PRAMEF20: variants seen among roughly 807,000 people sequenced by gnomAD.
The protein encoded by PRAMEF20 is PRAME family member 20/21.
PRAMEF20 carries 27 observed loss-of-function variants against 32.4 expected under a neutral mutation model. The observed-to-expected ratio is 0.83, with a 90% CI of 0.61 to 1.15. PRAMEF20 has a LOEUF of 1.15. PRAMEF20 is among the 50% of genes most tolerant of loss of function. The pLI is 0.00. For missense variants in PRAMEF20, 604 were observed against 584.5 expected, an observed-to-expected ratio of 1.03 and a Z score of -0.34; for synonymous variants, 256 against 235.4, an observed-to-expected ratio of 1.09 and a Z score of -0.80.
chr1:13,417,932 G>GTGTGTC, intron 1 of PRAMEF20, among the ~76,000 whole-genome samples, 190 bp from the exon 3 acceptor site: 1 of 149,096 alleles, frequency 6.7e-6, no homozygotes, highest in Non-Finnish European at 1.5e-5. Flanking sequence ...GTGTGTGTGT[G>GTGTGTC]TGTGTGTGTG....
At chr1:13,420,003 T>C (rs1278957416) in intron 2 of PRAMEF20, among the ~76,000 whole-genome samples, 4 of 152,134 alleles carry the variant, frequency 2.6e-5, no homozygotes, top group Non-Finnish European at 4.4e-5. Context: ...GATACAGGCG[T>C]GTCAGGGACG....
At chr1:13,412,505 C>A (rs1405729572), upstream of PRAMEF20, among the ~76,000 whole-genome samples, 1 of 152,106 alleles carries the variant, frequency 6.6e-6, no homozygotes, top group Non-Finnish European at 1.5e-5. Context: ...TCAATCTAGA[C>A]ACCAGACTTT....
chr1:13,419,008 C>T (rs1557477333), intron 2 of PRAMEF20, among the ~76,000 whole-genome samples: 1 of 152,070 alleles, frequency 6.6e-6, no homozygotes, highest in Non-Finnish European at 1.5e-5. Flanking sequence ...GAGAAATAGG[C>T]CAGGGATGCT....
At chr1:13,419,589 T>C (rs957368321) in intron 2 of PRAMEF20, among the ~76,000 whole-genome samples, 15 of 151,988 alleles carry the variant, frequency 9.9e-5, no homozygotes, top group African/African-American at 3.1e-4. Flanking sequence ...GCCCGGCTAA[T>C]TTTTGTTGTA....
chr1:13,411,222 G>C, the PRAMEF20 span, among the ~76,000 whole-genome samples: 1 of 152,098 alleles, frequency 6.6e-6, no homozygotes, highest in Admixed American at 6.6e-5. Flanking sequence ...CCAGCTATTT[G>C]GGTGGCTGAG....
chr1:13,414,347 C>A (rs1011844216), upstream of PRAMEF20, among the ~76,000 whole-genome samples: 1 of 152,006 alleles, frequency 6.6e-6, no homozygotes, highest in Non-Finnish European at 1.5e-5. Context: ...GCGTGAGCCA[C>A]CTCACCCAGC....
rs1641202265 is a variant in PRAMEF20, at chr1:13,418,111, T to C, written c.288-11T>C. On this transcript the variant is annotated splice_polypyrimidine_tract_variant and intron_variant, in intron 1 of 2. Transcript: ENST00000602960. ...CCTTAAATTCTCAGCCTCTCTTCTA[T>C]TTTTCCTCAGGAGGTGGAAACTTCA... 3 of 1,611,802 alleles carry C rather than the reference T, an allele frequency of 1.9e-6. No homozygotes were observed. The Admixed American group carries it at 5.0e-5, about 27-fold the overall frequency.
At chr1:13,411,388 A>G (rs1641112801), upstream of PRAMEF20, among the ~76,000 whole-genome samples, 1 of 150,874 alleles carries the variant, frequency 6.6e-6, no homozygotes, top group Non-Finnish European at 1.5e-5. Context: ...ATATCCAATT[A>G]ATTGAAATCA....
chr1:13,421,122 C>T (rs1641238998), exon 3 of PRAMEF20: 1 of 1,613,906 alleles, frequency 6.2e-7, no homozygotes, highest in African/African-American at 1.3e-5. Flanking sequence ...AGCAGATTTG[C>T]CCAACTTGGG....
exon 3 of PRAMEF20, chr1:13,420,888 A>C: frequency 6.2e-7 from 1 of 1,613,836 alleles, no homozygotes; most frequent in Non-Finnish European, 8.5e-7. Context: ...ACCCTTGAGT[A>C]CCTGGACTTA....
At position 13,421,236 on chromosome 1, in the gene PRAMEF20, A is replaced by G. The variant is rs969812469; in HGVS notation, c.1406A>G (p.Glu469Gly). 21 of 1,613,790 alleles carry G rather than the reference A, an allele frequency of 1.3e-5. No individual in the cohort carries two copies. In the Middle Eastern group the frequency reaches 8.3e-4, roughly 63 times the overall value. Residue 469 changes from glutamate (E) to glycine (G), a missense_variant, in exon 3 of 3, where the codon GAG (glutamate) becomes GGG (glycine). Coordinates refer to ENST00000602960, the Ensembl canonical transcript of PRAMEF20. Reference sequence around the variant, plus strand: ...GGCAACAGGTCACTTTACGACCTGGAGGTAGATCGGTGTTGCTGTTGAATG... The same window carrying G: ...GGCAACAGGTCACTTTACGACCTGGGGGTAGATCGGTGTTGCTGTTGAATG...
At chr1:13,416,002 C>T, upstream of PRAMEF20, among the ~76,000 whole-genome samples, 1 of 152,194 alleles carries the variant, frequency 6.6e-6, no homozygotes, top group East Asian at 1.9e-4. Context: ...ACTCCCATTC[C>T]CATTGTTTTA....
chr1:13,416,381 C>T, exon 1 of PRAMEF20: 2 of 1,610,996 alleles, frequency 1.2e-6, no homozygotes, highest in Non-Finnish European at 1.7e-6. Flanking sequence ...CACCCAGACT[C>T]CTGGAGCTGG....
At position 13,417,910 on chromosome 1, in the gene PRAMEF20, T is replaced by TTGTGTGTGTGTGTGTG. The variant is rs71272484; in HGVS notation, c.288-184_288-169dup. On this transcript the variant is annotated intron_variant, in intron 1 of 2. Transcript: ENST00000602960. ...GCGCCCGCCACCACGCCCGGCTAAT[T>TTGTGTGTGTGTGTGTG]TGTGTGTGTGTGTGTGTGTGTGTGT... Among the ~76,000 whole-genome samples the TTGTGTGTGTGTGTGTG allele has an allele frequency of 8.1e-3, 1,007 of 124,238 alleles. 13 individuals are homozygous for TTGTGTGTGTGTGTGTG. Among genetic ancestry groups the TTGTGTGTGTGTGTGTG allele is most frequent in the East Asian group, 0.012 (45 of 3,814 alleles). The allele number at this position is 124,238 out of a possible 152,430, so 81.5% of individuals were successfully genotyped here.
At chr1:13,418,093 T>C in intron 1 of PRAMEF20, 29 bp from the exon 3 acceptor site, 8 of 1,611,884 alleles carry the variant, frequency 5.0e-6, no homozygotes, top group Non-Finnish European at 6.8e-6. Flanking sequence ...AGTCCTTAAA[T>C]TCTCAGCCTC....
the PRAMEF20 span, among the ~76,000 whole-genome samples, chr1:13,410,926 C>T: frequency 1.3e-5 from 2 of 151,840 alleles, no homozygotes; most frequent in Admixed American, 6.6e-5. Flanking sequence ...GGCATGATCT[C>T]GGCCCACTGC....
upstream of PRAMEF20, among the ~76,000 whole-genome samples, chr1:13,411,414 C>G (rs903629140): frequency 5.3e-4 from 80 of 151,310 alleles, no homozygotes; most frequent in Admixed American, 2.4e-3. Context: ...CAGATCCCAA[C>G]CCACCCCCCT....
exon 2 of PRAMEF20, chr1:13,418,594 G>C: frequency 1.2e-6 from 2 of 1,613,932 alleles, no homozygotes; most frequent in Non-Finnish European, 1.7e-6. Flanking sequence ...GCAGAAGAAG[G>C]AGTTTGTTAC....
upstream of PRAMEF20, among the ~76,000 whole-genome samples, chr1:13,413,628 G>A (rs1459326267): frequency 6.6e-6 from 1 of 152,134 alleles, no homozygotes; most frequent in East Asian, 1.9e-4. Flanking sequence ...GCCCCCCAAA[G>A]TGCTGAGATT....
Sources: gnomAD v4.1 joint callset for allele counts (sites outside exome capture counted in the v4.1 genomes callset) on GRCh38, gnomAD v4.1.1 for gene constraint, MANE v1.5 for transcripts, NCBI Gene and HGNC (gene_info 2026-07-23, HGNC 2026-07-21) for gene names.